Variants in SNTG1 observed in about 807,000 individuals in gnomAD.
SNTG1 encodes the protein syntrophin gamma 1.
SNTG1 carries 39 observed loss-of-function variants against 74.7 expected under a neutral mutation model. The observed-to-expected ratio is 0.52, with a 90% CI of 0.40 to 0.68. The LOEUF (loss-of-function observed/expected upper bound fraction) is 0.68, where lower values mean the gene tolerates loss of function less well. Among genes scored for constraint, SNTG1 ranks in the 30% least tolerant of loss-of-function variants. The pLI is 0.00. For missense variants in SNTG1, 685 were observed against 609.5 expected (o/e 1.12, Z -1.30); for synonymous variants, 254 against 217.1 (o/e 1.17, Z -1.49).
At chr8:50,420,409 A>G (rs1314110667) in intron 4 of SNTG1, among the ~76,000 whole-genome samples, 2 of 152,134 alleles carry the variant, frequency 1.3e-5, no homozygotes, top group Admixed American at 1.3e-4. Context: ...TGTCAATCCA[A>G]AATTCTATAT....
At chr8:50,190,086 T>C (rs2083512704) in intron 2 of SNTG1, among the ~76,000 whole-genome samples, 1 of 152,164 alleles carries the variant, frequency 6.6e-6, no homozygotes, top group African/African-American at 2.4e-5. Flanking sequence ...AACAAGCATG[T>C]ACTGAATACC....
chr8:50,548,666 T>G (rs571101776), intron 11 of SNTG1, among the ~76,000 whole-genome samples: 1 of 152,238 alleles, frequency 6.6e-6, no homozygotes, highest in African/African-American at 2.4e-5. Flanking sequence ...CAAACATGTT[T>G]AATACCACAG....
rs74990342 is a variant in SNTG1, at chr8:50,069,156, A to C, written c.-102-103405A>C. On this transcript the variant is annotated intron_variant, in intron 1 of 18. Coordinates refer to ENST00000642720, the MANE Select transcript of SNTG1 (RefSeq NM_018967.5). The stretch of plus-strand genomic sequence containing the variant: ...AAAGGAAAATGTATATAAATTAAGT[A>C]TCCAAGAACAGAAAAAGGGAAATGA... Among the ~76,000 whole-genome samples, 704 of 152,342 alleles carry C rather than the reference A, an allele frequency of 4.6e-3. 4 individuals are homozygous for C. The highest frequency in any genetic ancestry group is 0.016 in the African/African-American group (662 of 41,574).
chr8:50,171,830 ACAGAAG>A (rs2082818499), intron 1 of SNTG1, among the ~76,000 whole-genome samples: 1 of 152,222 alleles, frequency 6.6e-6, no homozygotes, highest in Middle Eastern at 3.2e-3. Context: ...TCAATAAGCT[ACAGAAG>A]CAATGCTTAT....
At chr8:50,734,261 G>A (rs993902280) in intron 17 of SNTG1, among the ~76,000 whole-genome samples, 1 of 151,666 alleles carries the variant, frequency 6.6e-6, no homozygotes, top group Non-Finnish European at 1.5e-5. Context: ...AGAGACTATT[G>A]CTTCTCGGCC....
At chr8:50,678,264 C>T (rs1463897304) in intron 15 of SNTG1, among the ~76,000 whole-genome samples, 2 of 151,804 alleles carry the variant, frequency 1.3e-5, no homozygotes, top group Non-Finnish European at 2.9e-5. Flanking sequence ...GTTACTTAAC[C>T]TTTGCATATT....
At chr8:50,261,664 G>C (rs1357574702) in intron 2 of SNTG1, among the ~76,000 whole-genome samples, 1 of 152,038 alleles carries the variant, frequency 6.6e-6, no homozygotes, top group Non-Finnish European at 1.5e-5. Context: ...TTCTATTAAG[G>C]TACTTGCACT....
chr8:50,647,522 G>C (rs1218521029), intron 13 of SNTG1, among the ~76,000 whole-genome samples: 1 of 151,854 alleles, frequency 6.6e-6, no homozygotes, highest in African/African-American at 2.4e-5. Flanking sequence ...GGGGTATTTT[G>C]CTAGTGGGGC....
chr8:50,205,640 C>A (rs994704370), intron 2 of SNTG1, among the ~76,000 whole-genome samples: 4 of 152,140 alleles, frequency 2.6e-5, no homozygotes, highest in Admixed American at 6.6e-5. Flanking sequence ...GAAGTCCTTG[C>A]CCATGCCTAT....
intron 1 of SNTG1, among the ~76,000 whole-genome samples, chr8:50,022,702 C>T (rs1052510362): frequency 1.1e-4 from 16 of 152,170 alleles, no homozygotes; most frequent in African/African-American, 3.9e-4. Flanking sequence ...TCTGTGTTTT[C>T]AGGAGGCACT....
At chr8:49,935,140 A>C (rs1807940429) in intron 1 of SNTG1, among the ~76,000 whole-genome samples, 1 of 151,558 alleles carries the variant, frequency 6.6e-6, no homozygotes, top group Non-Finnish European at 1.5e-5. Flanking sequence ...TGAATTTAAG[A>C]ACTTATTCCA....
chr8:50,790,679 G>T (rs896452096), intron 18 of SNTG1, among the ~76,000 whole-genome samples: 1 of 151,670 alleles, frequency 6.6e-6, no homozygotes, highest in African/African-American at 2.4e-5. Context: ...GATCCATCTT[G>T]GTCTCCTGCT....
intron 1 of SNTG1, among the ~76,000 whole-genome samples, chr8:50,164,739 T>C (rs1413366847): frequency 6.6e-6 from 1 of 152,214 alleles, no homozygotes; most frequent in Non-Finnish European, 1.5e-5. Context: ...CTTCAAAATA[T>C]GCAACTCTTA....
At chr8:50,682,022 A>G (rs1054349859) in intron 15 of SNTG1, among the ~76,000 whole-genome samples, 6 of 152,198 alleles carry the variant, frequency 3.9e-5, no homozygotes, top group African/African-American at 1.4e-4. Flanking sequence ...CATATCTGGA[A>G]CCACTGTTGT....
At chr8:50,742,757 GA>G (rs999369754) in intron 17 of SNTG1, among the ~76,000 whole-genome samples, 1 of 151,522 alleles carries the variant, frequency 6.6e-6, no homozygotes, top group South Asian at 2.1e-4. Context: ...TTGGTTCCTT[GA>G]AAAAATAACA....
chr8:50,295,383 T>C lies in SNTG1; in HGVS notation c.-27-98829T>C, dbSNP rs143837055. On this transcript the variant is annotated intron_variant, in intron 2 of 18. Coordinates refer to ENST00000642720, the MANE Select transcript of SNTG1 (RefSeq NM_018967.5). Reference sequence around the variant, plus strand: ...TACTTATTCCAGAAAAATCCATATATGTCTTTAATCATTTTGAAGTTTACC... The same window carrying C: ...TACTTATTCCAGAAAAATCCATATACGTCTTTAATCATTTTGAAGTTTACC... Among the ~76,000 whole-genome samples, 17 of 152,318 alleles carry C rather than the reference T, an allele frequency of 1.1e-4. No homozygotes were observed. In the East Asian group the frequency reaches 3.1e-3, roughly 28 times the overall value.
At chr8:49,991,344 G>T (rs1212849044) in intron 1 of SNTG1, among the ~76,000 whole-genome samples, 1 of 152,148 alleles carries the variant, frequency 6.6e-6, no homozygotes, top group Non-Finnish European at 1.5e-5. Context: ...AGGCTGGTGG[G>T]ATTGTAAAAT....
chr8:49,991,630 GAAGA>G (rs1332576160), intron 1 of SNTG1, among the ~76,000 whole-genome samples: 2 of 152,068 alleles, frequency 1.3e-5, no homozygotes, highest in Non-Finnish European at 2.9e-5. Flanking sequence ...GAAAAAGAAA[GAAGA>G]AAGTAATGAT....
chr8:50,472,401 T>G (rs1385603671), intron 8 of SNTG1, among the ~76,000 whole-genome samples: 3 of 152,152 alleles, frequency 2.0e-5, no homozygotes, highest in Non-Finnish European at 2.9e-5. Context: ...TTAAATAACA[T>G]TTTAAAGACC....
Sources: allele counts gnomAD v4.1 joint callset (sites outside exome capture counted in the v4.1 genomes callset), GRCh38; gene constraint gnomAD v4.1.1; transcripts MANE v1.5; gene names NCBI Gene and HGNC (gene_info 2026-07-23, HGNC 2026-07-21).